Variants in CDKAL1 observed in about 807,000 individuals in gnomAD.
The protein encoded by CDKAL1 is threonylcarbamoyladenosine tRNA methylthiotransferase.
Under a neutral mutation model 68.2 loss-of-function variants are expected in CDKAL1, and 32 were observed. The ratio of observed to expected loss-of-function variants is 0.47; its 90% CI spans 0.35 to 0.63. The LOEUF is 0.63. Ranked by LOEUF, CDKAL1 falls within the 30% of genes least tolerant of loss-of-function variation. The pLI is 0.00. For missense variants in CDKAL1, 606 were observed against 696.7 expected, an observed-to-expected ratio of 0.87 and a Z score of 1.47; for synonymous variants, 234 against 244.3, an observed-to-expected ratio of 0.96 and a Z score of 0.39.
chr6:21,111,423 G>C (rs751166182), intron 13 of CDKAL1, among the ~76,000 whole-genome samples: 6 of 152,148 alleles, frequency 3.9e-5, no homozygotes, highest in Non-Finnish European at 8.8e-5. Flanking sequence ...TAATTACAAA[G>C]GGTAGTTAGT....
At chr6:20,647,761 G>A (rs1011875215) in intron 4 of CDKAL1, among the ~76,000 whole-genome samples, 2 of 152,078 alleles carry the variant, frequency 1.3e-5, no homozygotes, top group East Asian at 1.9e-4. Context: ...ATTGATTTAT[G>A]TTTTATATAA....
At position 21,088,565 on chromosome 6, in the gene CDKAL1, C is replaced by T. The variant is rs1005511121; in HGVS notation, c.1237-19836C>T. ...AGTTAGGAAATGTCCTTATTATTTC[C>T]TGTTGCTTTCATTAATTAATACTTG... On this transcript the variant is annotated intron_variant, in intron 12 of 15. Transcript: ENST00000274695. Among the ~76,000 whole-genome samples, 55 of 152,250 alleles carry T rather than the reference C, an allele frequency of 3.6e-4. 1 individual carries two copies. Among genetic ancestry groups the T allele is most frequent in the African/African-American group, 1.2e-3 (50 of 41,544 alleles).
intron 8 of CDKAL1, among the ~76,000 whole-genome samples, chr6:20,796,170 A>G (rs1375096479): frequency 2.0e-5 from 3 of 152,222 alleles, no homozygotes; most frequent in African/African-American, 7.2e-5. Context: ...CAAGGATACA[A>G]CATAAACCCA....
chr6:21,219,010 A>T (rs1159715441), intron 15 of CDKAL1, among the ~76,000 whole-genome samples: 1 of 152,226 alleles, frequency 6.6e-6, no homozygotes, highest in East Asian at 1.9e-4. Context: ...TAAAAACTAT[A>T]TTCAAAATAG....
intron 8 of CDKAL1, among the ~76,000 whole-genome samples, chr6:20,817,225 C>T (rs1777082985): frequency 6.6e-6 from 1 of 152,088 alleles, no homozygotes; most frequent in Non-Finnish European, 1.5e-5. Flanking sequence ...TACGTACCTG[C>T]AGGCTCCAGT....
At chr6:20,590,985 C>T (rs550840337) in intron 4 of CDKAL1, among the ~76,000 whole-genome samples, 4 of 152,248 alleles carry the variant, frequency 2.6e-5, no homozygotes, top group South Asian at 2.1e-4. Flanking sequence ...AGTGTAAAAG[C>T]GTTCCTATTT....
chr6:20,871,195 G>A (rs1760193361), intron 9 of CDKAL1, among the ~76,000 whole-genome samples: 1 of 152,114 alleles, frequency 6.6e-6, no homozygotes, highest in Admixed American at 6.5e-5. Context: ...AAGAAAGCAA[G>A]TTATATTGAA....
chr6:20,956,883 TGTTAA>T (rs1321862395), intron 10 of CDKAL1, among the ~76,000 whole-genome samples: 2 of 152,074 alleles, frequency 1.3e-5, no homozygotes, highest in Non-Finnish European at 2.9e-5. Context: ...ATGATTTATA[TGTTAA>T]GTTTAGTGCT....
At chr6:20,867,301 C>T (rs1187507943) in intron 9 of CDKAL1, among the ~76,000 whole-genome samples, 1 of 151,986 alleles carries the variant, frequency 6.6e-6, no homozygotes, top group African/African-American at 2.4e-5. Flanking sequence ...AATGGCATGA[C>T]CTTTGTGAAT....
chr6:21,092,557 C>A (rs879534438), intron 12 of CDKAL1, among the ~76,000 whole-genome samples: 30 of 151,804 alleles, frequency 2.0e-4, no homozygotes, highest in Non-Finnish European at 3.2e-4. Context: ...TGAGGATGAT[C>A]AATCAGCTTT....
chr6:21,094,402 T>C (rs1773214904), intron 12 of CDKAL1, among the ~76,000 whole-genome samples: 1 of 152,204 alleles, frequency 6.6e-6, no homozygotes, highest in African/African-American at 2.4e-5. Context: ...TTAGATCATA[T>C]ACATGGATAA....
chr6:21,009,528 A>G (rs940670220), intron 11 of CDKAL1, among the ~76,000 whole-genome samples: 5 of 152,236 alleles, frequency 3.3e-5, no homozygotes, highest in African/African-American at 7.2e-5. Context: ...AAAGGAAATC[A>G]GTATCAAAGA....
intron 4 of CDKAL1, among the ~76,000 whole-genome samples, chr6:20,634,805 C>T (rs552961775): frequency 6.6e-6 from 1 of 151,716 alleles, no homozygotes; most frequent in Admixed American, 6.6e-5. Context: ...TGGTGAAACC[C>T]CGTCTCTACT....
intron 8 of CDKAL1, among the ~76,000 whole-genome samples, chr6:20,818,079 C>G (rs1206239793): frequency 6.6e-6 from 1 of 152,118 alleles, no homozygotes; most frequent in Non-Finnish European, 1.5e-5. Flanking sequence ...CCCAAAGGTG[C>G]TCTCCTCAAG....
intron 2 of CDKAL1, among the ~76,000 whole-genome samples, chr6:20,540,999 G>A (rs763825105): frequency 6.6e-6 from 1 of 152,198 alleles, no homozygotes; most frequent in Non-Finnish European, 1.5e-5. Flanking sequence ...GGAGAGATGA[G>A]CAGAGGAGAC....
chr6:21,015,858 G>C (rs1350674759), intron 11 of CDKAL1, among the ~76,000 whole-genome samples: 1 of 151,300 alleles, frequency 6.6e-6, no homozygotes. Context: ...TGAGGCATGA[G>C]AATCACTTGG....
chr6:20,739,440 C>T (rs891500761), intron 5 of CDKAL1, 79 bp from the exon 6 acceptor site: 2 of 772,160 alleles, frequency 2.6e-6, no homozygotes, highest in African/African-American at 3.5e-5. Flanking sequence ...ATTTGGAGAA[C>T]TAATATGCAC....
intron 6 of CDKAL1, 48 bp downstream of exon 6, chr6:20,739,663 C>T: frequency 2.0e-6 from 2 of 986,944 alleles, no homozygotes; most frequent in South Asian, 2.8e-5. Context: ...ATTGTTAACA[C>T]CTGTAATAGC....
At chr6:21,100,617 A>G (rs532156372) in intron 12 of CDKAL1, among the ~76,000 whole-genome samples, 1 of 152,334 alleles carries the variant, frequency 6.6e-6, no homozygotes, top group South Asian at 2.1e-4. Context: ...ACAAAAGAAT[A>G]AGGAAGTATT....
Sources: gnomAD v4.1 joint callset for allele counts (sites outside exome capture counted in the v4.1 genomes callset) on GRCh38, gnomAD v4.1.1 for gene constraint, MANE v1.5 for transcripts, NCBI Gene and HGNC (gene_info 2026-07-23, HGNC 2026-07-21) for gene names.